Variants in LDLRAD4 observed in about 807,000 individuals in gnomAD.
LDLRAD4 encodes the protein low-density lipoprotein receptor class A domain-containing protein 4.
Under a neutral mutation model 17.0 loss-of-function variants are expected in LDLRAD4, and 5 were observed. The ratio of observed to expected loss-of-function variants is 0.29; its 90% CI spans 0.15 to 0.62. The LOEUF is 0.62. Ranked by LOEUF, LDLRAD4 falls within the 20% of genes least tolerant of loss-of-function variation. The pLI is 0.84. For synonymous variants in LDLRAD4, 168 were observed against 171.8 expected, an observed-to-expected ratio of 0.98 and a Z score of 0.17; for missense variants, 340 against 424.7, an observed-to-expected ratio of 0.80 and a Z score of 1.75.
At chr18:13,242,448 G>A (rs553848436) in intron 1 of LDLRAD4, among the ~76,000 whole-genome samples, 3 of 152,280 alleles carry the variant, frequency 2.0e-5, no homozygotes, top group South Asian at 4.1e-4. Flanking sequence ...CAAGACCTTC[G>A]TGGACTTCAC....
intron 3 of LDLRAD4, among the ~76,000 whole-genome samples, chr18:13,579,798 G>C (rs541973810): frequency 8.5e-5 from 13 of 152,282 alleles, no homozygotes; most frequent in African/African-American, 2.9e-4. Flanking sequence ...TCTTTTTCCT[G>C]TGGAAAAACT....
intron 3 of LDLRAD4, among the ~76,000 whole-genome samples, chr18:13,503,779 T>TAA (rs751868220): frequency 1.4e-3 from 10 of 7,000 alleles, no homozygotes; most frequent in Non-Finnish European, 3.3e-3. Context: ...GGCTCTTGTT[T>TAA]TAAAAAAAAA....
intron 3 of LDLRAD4, among the ~76,000 whole-genome samples, chr18:13,454,432 C>G (rs951222897): frequency 6.6e-6 from 1 of 152,104 alleles, no homozygotes; most frequent in Non-Finnish European, 1.5e-5. Flanking sequence ...TGCTGTCTTC[C>G]ATTTGCTTCC....
chr18:13,308,039 G>A (rs569097346), intron 1 of LDLRAD4, among the ~76,000 whole-genome samples: 33 of 152,278 alleles, frequency 2.2e-4, no homozygotes, highest in African/African-American at 7.5e-4. Flanking sequence ...CTCTGCAGTC[G>A]TGTTTCTTAT....
At chr18:13,225,101 G>C (rs1339895034) in intron 1 of LDLRAD4, among the ~76,000 whole-genome samples, 2 of 152,210 alleles carry the variant, frequency 1.3e-5, no homozygotes, top group Non-Finnish European at 2.9e-5. Flanking sequence ...CTCCCAAAGT[G>C]CTGGGATTAC....
rs1209377939 is a variant in LDLRAD4, at chr18:13,367,579, G to C, written c.-382-19762G>C. On this transcript the variant is annotated intron_variant, in intron 1 of 5. Coordinates refer to ENST00000359446, the Ensembl canonical transcript of LDLRAD4. The surrounding 1 kb of genome is among the most constrained non-coding windows in gnomAD (Gnocchi z 4.1). Reference sequence around the variant, plus strand: ...GCGGCTGTGGCAGTGCCAAGCGAGTGGACAGAGGGTCTGCAGGCCACTCAG... The same window carrying C: ...GCGGCTGTGGCAGTGCCAAGCGAGTCGACAGAGGGTCTGCAGGCCACTCAG... Among the ~76,000 whole-genome samples, 1 of 152,214 alleles carries C rather than the reference G, an allele frequency of 6.6e-6. No individual in the cohort carries two copies. Among genetic ancestry groups the C allele is most frequent in the Non-Finnish European group, 1.5e-5 (1 of 68,032 alleles).
intron 2 of LDLRAD4, among the ~76,000 whole-genome samples, chr18:13,393,117 G>A (rs1053085294): frequency 6.6e-6 from 1 of 151,974 alleles, no homozygotes; most frequent in East Asian, 1.9e-4. Flanking sequence ...GACCTTCCGC[G>A]CATTCCTCAT....
chr18:13,639,013 T>C (rs1377689826), intron 4 of LDLRAD4, among the ~76,000 whole-genome samples: 2 of 152,184 alleles, frequency 1.3e-5, no homozygotes, highest in South Asian at 2.1e-4. Flanking sequence ...TACAAGGAAA[T>C]AGCCTACAAG....
intron 2 of LDLRAD4, among the ~76,000 whole-genome samples, chr18:13,418,119 GC>G (rs1367708448): frequency 7.0e-6 from 1 of 143,482 alleles, no homozygotes; most frequent in East Asian, 2.4e-4. Context: ...CTCCCCACCC[GC>G]CCTCTGAGGC....
At chr18:13,561,799 G>A (rs1479382887) in intron 3 of LDLRAD4, 1 of 152,140 alleles carries the variant, frequency 6.6e-6, no homozygotes, top group Non-Finnish European at 1.5e-5. Context: ...AGGACTTGCT[G>A]TGAATCTCAA....
intron 1 of LDLRAD4, among the ~76,000 whole-genome samples, chr18:13,248,466 G>A (rs897158591): frequency 3.9e-5 from 6 of 152,186 alleles, no homozygotes; most frequent in Admixed American, 1.3e-4. Flanking sequence ...TGGGCACAGC[G>A]ACCACCCCAT....
intron 3 of LDLRAD4, among the ~76,000 whole-genome samples, chr18:13,588,919 T>C (rs2094970828): frequency 6.7e-6 from 1 of 148,240 alleles, no homozygotes; most frequent in Admixed American, 6.9e-5. Flanking sequence ...CTTTTCTTTT[T>C]TTTTTCTTTT....
At chr18:13,388,028 C>T (rs1015281160) in intron 2 of LDLRAD4, among the ~76,000 whole-genome samples, 12 of 152,196 alleles carry the variant, frequency 7.9e-5, no homozygotes, top group African/African-American at 1.9e-4. Flanking sequence ...CTGCAGTATT[C>T]GCAGCGTCTT....
intron 3 of LDLRAD4, among the ~76,000 whole-genome samples, chr18:13,439,311 A>G (rs1288236618): frequency 6.6e-6 from 1 of 152,230 alleles, no homozygotes; most frequent in African/African-American, 2.4e-5. Flanking sequence ...TATTTTCTGT[A>G]TTCCTACTGT....
At chr18:13,279,937 C>T (rs1267846922) in intron 1 of LDLRAD4, 1 of 152,236 alleles carries the variant, frequency 6.6e-6, no homozygotes, top group African/African-American at 2.4e-5. Flanking sequence ...AATTTTGTCC[C>T]TTAAGCAGCT....
chr18:13,371,290 C>A (rs1176864712), intron 1 of LDLRAD4, among the ~76,000 whole-genome samples: 1 of 152,188 alleles, frequency 6.6e-6, no homozygotes, highest in African/African-American at 2.4e-5. Flanking sequence ...GGGCTGACTG[C>A]TGCCATCACC....
intron 1 of LDLRAD4, among the ~76,000 whole-genome samples, chr18:13,338,144 C>T (rs2082198007): frequency 6.6e-6 from 1 of 152,182 alleles, no homozygotes; most frequent in South Asian, 2.1e-4. Flanking sequence ...TAGGTAGACA[C>T]GCTCTCTATT....
chr18:13,306,253 C>T (rs993663545), intron 1 of LDLRAD4, among the ~76,000 whole-genome samples: 1 of 152,144 alleles, frequency 6.6e-6, no homozygotes, highest in African/African-American at 2.4e-5. Context: ...ACAGGACGGC[C>T]CCTGAGCCTT....
chr18:13,644,807 TC>T, intron 5 of LDLRAD4: 1 of 314,684 alleles, frequency 3.2e-6, no homozygotes, highest in Non-Finnish European at 5.9e-6. Flanking sequence ...CCTAGTGTGT[TC>T]TGTTTCCAAG....
Sources: allele counts gnomAD v4.1 joint callset (sites outside exome capture counted in the v4.1 genomes callset), GRCh38; gene constraint gnomAD v4.1.1; non-coding constraint Gnocchi (gnomAD v3.1); transcripts MANE v1.5; gene names NCBI Gene and HGNC (gene_info 2026-07-23, HGNC 2026-07-21).